CRACDL: variants seen among roughly 807,000 people sequenced by gnomAD.
The protein encoded by CRACDL is CRACD-like protein.
CRACDL carries 26 observed loss-of-function variants against 70.6 expected under a neutral mutation model. The observed-to-expected ratio is 0.37, with a 90% CI of 0.27 to 0.51. The LOEUF (loss-of-function observed/expected upper bound fraction) is 0.51. CRACDL is among the 20% of genes least tolerant of loss of function. CRACDL has a pLI of 0.94. For missense variants in CRACDL, 1,283 were observed against 1,376.9 expected (o/e 0.93, Z 1.08); for synonymous variants, 618 against 615.2 (o/e 1.00, Z -0.07).
At chr2:98,801,130 G>C (rs1469539947) in intron 7 of CRACDL, among the ~76,000 whole-genome samples, 1 of 152,204 alleles carries the variant, frequency 6.6e-6, no homozygotes, top group Non-Finnish European at 1.5e-5. Flanking sequence ...TGCAACTGCT[G>C]GTCTTTCCTT....
At position 98,822,926 on chromosome 2, in the gene CRACDL, C is replaced by G. The variant is rs549304160; in HGVS notation, c.1347G>C (p.Glu449Asp). The change falls in exon 7 of 10, where the codon GAG becomes GAC. Residue 449 changes from glutamate (E) to aspartate (D), a missense_variant. Glu to Asp is a conservative substitution (Grantham distance 45). This residue lies in a region of CRACDL where 921 missense variants were observed against 881.9 expected (regional missense o/e 1.04). Transcript: ENST00000397899. The surrounding 1 kb of genome is among the most constrained non-coding windows in gnomAD (Gnocchi z 4.9). ...GCGCCGGCCCTGGGGGCCCCTTCTC[C>G]TCATCCGGGAGCACGGGCGGCGTCG... Reference protein sequence around the residue: ...AEPTPPVLPDEEKGPPGPAPE... With the variant: ...AEPTPPVLPDDEKGPPGPAPE... 1.4e-6 allele frequency: 2 copies of G among 1,467,736 alleles called. No individual in the cohort carries two copies. Among genetic ancestry groups the G allele is most frequent in the Admixed American group, 2.6e-5 (1 of 39,040 alleles). 90.9% of individuals were successfully genotyped at this position (1,467,736 alleles called of 1,614,324 possible). A position where few individuals can be genotyped will look rare whatever the true frequency, so the allele number is the denominator to read the frequency against.
chr2:98,812,565 T>C (rs1704617757), intron 7 of CRACDL, among the ~76,000 whole-genome samples: 2 of 152,220 alleles, frequency 1.3e-5, no homozygotes, highest in Non-Finnish European at 2.9e-5. Context: ...AGTTACGTAA[T>C]GGTATCTCAT....
intron 1 of CRACDL, among the ~76,000 whole-genome samples, chr2:98,868,068 G>C (rs762478943): frequency 4.6e-5 from 7 of 152,194 alleles, no homozygotes; most frequent in Non-Finnish European, 8.8e-5. Context: ...AGGCACTGAG[G>C]TTTCATTCTT....
chr2:98,808,043 G>T (rs1047434479), intron 7 of CRACDL, among the ~76,000 whole-genome samples: 1 of 152,206 alleles, frequency 6.6e-6, no homozygotes, highest in Admixed American at 6.5e-5. Flanking sequence ...AAATGTGGCT[G>T]CTGTGACTGA....
In CRACDL at chr2:98,878,095, C is replaced by T. The variant is rs572858568; in HGVS notation, c.-10-31285G>A. ...CGAAGTAGCTGGGAGTACAGGCGTG[C>T]GCCACCATACCCAGCTAATATTTGT... On this transcript the variant is annotated intron_variant, in intron 1 of 9. Coordinates refer to ENST00000397899, the MANE Select transcript of CRACDL (RefSeq NM_207362.3). Among the ~76,000 whole-genome samples the T allele has an allele frequency of 4.6e-5, 7 of 152,040 alleles. No homozygotes were observed. The South Asian group carries it at 8.3e-4, about 18-fold the overall frequency.
intron 1 of CRACDL, among the ~76,000 whole-genome samples, chr2:98,848,702 G>GC (rs1047491921): frequency 1.2e-4 from 18 of 152,108 alleles, no homozygotes; most frequent in Non-Finnish European, 2.4e-4. Flanking sequence ...TCCCACCTCA[G>GC]CCCCCCCACA....
chr2:98,809,293 T>C (rs1022761892), intron 7 of CRACDL, among the ~76,000 whole-genome samples: 4 of 151,940 alleles, frequency 2.6e-5, no homozygotes, highest in African/African-American at 9.7e-5. Context: ...CACTTGAAAC[T>C]GACACTGGGG....
chr2:98,918,539 C>CAAAAAAAAAA lies in CRACDL; in HGVS notation c.-11+17389_-11+17398dup, dbSNP rs58312556. On this transcript the variant is annotated intron_variant, in intron 1 of 9. Transcript: ENST00000397899. Reference sequence around the variant, plus strand: ...GGCGACAGAGCAAGATGTTGTCTACCAAAAAAAAAAAAAAAAAAAAAAAAA... The same window carrying CAAAAAAAAAA: ...GGCGACAGAGCAAGATGTTGTCTACCAAAAAAAAAAAAAAAAAAAAAAAAAAAAAAAAAAA... Among the ~76,000 whole-genome samples, 13 of 66,342 alleles carry CAAAAAAAAAA rather than the reference C, an allele frequency of 2.0e-4. 1 individual carries two copies. In the East Asian group the frequency reaches 5.0e-3, roughly 26 times the overall value. 43.5% of individuals were successfully genotyped at this position (66,342 alleles called of 152,430 possible). A position where few individuals can be genotyped will look rare whatever the true frequency, so the allele number is the denominator to read the frequency against.
At chr2:98,881,193 T>G (rs1254365897) in intron 1 of CRACDL, among the ~76,000 whole-genome samples, 7 of 152,188 alleles carry the variant, frequency 4.6e-5, no homozygotes, top group Non-Finnish European at 7.3e-5. Context: ...GGTCACAGGC[T>G]GATGTGCTCA....
intron 1 of CRACDL, among the ~76,000 whole-genome samples, chr2:98,934,368 T>C (rs1214167079): frequency 6.6e-6 from 1 of 152,134 alleles, no homozygotes; most frequent in African/African-American, 2.4e-5. Context: ...TTTTGTTTTG[T>C]ATTTTTAGTA....
intron 1 of CRACDL, among the ~76,000 whole-genome samples, chr2:98,906,593 T>C (rs1037168114): frequency 2.0e-5 from 3 of 152,302 alleles, no homozygotes; most frequent in Admixed American, 6.5e-5. Context: ...TTTGAGATAA[T>C]ATATATTCTA....
intron 1 of CRACDL, among the ~76,000 whole-genome samples, chr2:98,861,642 G>A (rs113825792): frequency 7.2e-5 from 11 of 152,262 alleles, no homozygotes; most frequent in African/African-American, 2.4e-4. Flanking sequence ...AGTATAGAAA[G>A]CACCAGGAAT....
In CRACDL at chr2:98,821,933, G is replaced by C. The variant is rs756806957; in HGVS notation, c.2340C>G (p.Pro780=). Residue 780 remains proline, a synonymous_variant, in exon 7 of 10, where the codon CCC becomes CCG. Coordinates refer to ENST00000397899, the MANE Select transcript of CRACDL (RefSeq NM_207362.3). ...SFTLPHQPAP[P]DAGPGEREPR... is the part of the protein sequence containing the mutation. ...GTTCCCGCTCTCCCGGGCCGGCGTC[G>C]GGGGGCGCGGGCTGGTGCGGGAGCG... 1.3e-6 allele frequency: 2 copies of C among 1,567,022 alleles called. No homozygotes were observed. Among genetic ancestry groups the C allele is most frequent in the Admixed American group, 1.9e-5 (1 of 51,502 alleles).
chr2:98,826,924 G>A, intron 6 of CRACDL, 51 bp downstream of exon 6: 2 of 1,421,974 alleles, frequency 1.4e-6, no homozygotes, highest in Non-Finnish European at 9.6e-7. Flanking sequence ...GGCATAGGGG[G>A]GTGCCAAGCC....
At chr2:98,802,520 C>T (rs1428021121) in intron 7 of CRACDL, among the ~76,000 whole-genome samples, 1 of 152,246 alleles carries the variant, frequency 6.6e-6, no homozygotes, top group Non-Finnish European at 1.5e-5. Context: ...TTTCAAAAAT[C>T]CTCAATGTTA....
chr2:98,912,478 A>G lies in CRACDL; in HGVS notation c.-11+23460T>C, dbSNP rs111780081. On this transcript the variant is annotated intron_variant, in intron 1 of 9. Coordinates refer to ENST00000397899, the MANE Select transcript of CRACDL (RefSeq NM_207362.3). ...TTTGTCTCCGGCAGGCGGGGGTCAC[A>G]CCAGCTGCGGCTTTGCAAGGCCTGG... Among the ~76,000 whole-genome samples the G allele has an allele frequency of 7.0e-3, 1,063 of 152,334 alleles. 12 individuals are homozygous for G. Among genetic ancestry groups the G allele is most frequent in the African/African-American group, 0.024 (1,011 of 41,574 alleles).
intron 1 of CRACDL, among the ~76,000 whole-genome samples, chr2:98,894,437 G>A (rs1414919504): frequency 6.6e-6 from 1 of 152,210 alleles, no homozygotes; most frequent in Non-Finnish European, 1.5e-5. Context: ...AAAATAGCCG[G>A]AGATGTGATT....
At chr2:98,905,910 C>A (rs894559062) in intron 1 of CRACDL, among the ~76,000 whole-genome samples, 2 of 152,134 alleles carry the variant, frequency 1.3e-5, no homozygotes, top group East Asian at 1.9e-4. Context: ...AGTCACCATG[C>A]CCGGCCTAGG....
intron 7 of CRACDL, among the ~76,000 whole-genome samples, chr2:98,816,079 G>A (rs2104448556): frequency 6.6e-6 from 1 of 152,276 alleles, no homozygotes; most frequent in Middle Eastern, 3.4e-3. Context: ...GGCTAGGAAA[G>A]TCCCAGGAGC....
Sources: allele counts gnomAD v4.1 joint callset (sites outside exome capture counted in the v4.1 genomes callset), GRCh38; gene constraint gnomAD v4.1.1; regional missense constraint gnomAD v4.1.1; non-coding constraint Gnocchi (gnomAD v3.1); transcripts MANE v1.5; gene names NCBI Gene and HGNC (gene_info 2026-07-23, HGNC 2026-07-21).